The following PIK3C2G variants were observed in gnomAD, a reference collection of about 807,000 sequenced individuals.
PIK3C2G encodes phosphatidylinositol 3-kinase C2 domain-containing subunit gamma.
PIK3C2G carries 168 observed loss-of-function variants against 181.1 expected under a neutral mutation model. That is an observed-to-expected ratio of 0.93 (90% CI 0.82 to 1.05). The LOEUF is 1.05. PIK3C2G is among the 50% of genes least tolerant of loss of function. The pLI is 0.00. For synonymous variants in PIK3C2G, 573 were observed against 592.2 expected (o/e 0.97, Z 0.47); for missense variants, 1,869 against 1,732.8 (o/e 1.08, Z -1.40).
At chr12:18,577,739 G>A (rs1427434612) in intron 29 of PIK3C2G, among the ~76,000 whole-genome samples, 2 of 152,084 alleles carry the variant, frequency 1.3e-5, no homozygotes, top group Admixed American at 6.6e-5. Context: ...GGTAATTAAC[G>A]TAGTTGATTT....
At chr12:18,383,260 C>G (rs573763887) in intron 14 of PIK3C2G, among the ~76,000 whole-genome samples, 2 of 152,218 alleles carry the variant, frequency 1.3e-5, no homozygotes, top group African/African-American at 4.8e-5. Flanking sequence ...GGTAAACACT[C>G]TTACAAAAAT....
intron 4 of PIK3C2G, among the ~76,000 whole-genome samples, chr12:18,292,227 A>AAAAAAAAAAATATATAT: frequency 1.0e-4 from 5 of 48,722 alleles, no homozygotes; most frequent in Non-Finnish European, 1.3e-4. Context: ...AAAAAAAAAA[A>AAAAAAAAAAATATATAT]ATATATATAT....
intron 8 of PIK3C2G, among the ~76,000 whole-genome samples, chr12:18,334,691 A>G (rs771978933): frequency 1.1e-4 from 16 of 152,000 alleles, no homozygotes; most frequent in Non-Finnish European, 2.1e-4. Context: ...TATCACCTCT[A>G]TGAAAATGTT....
intron 13 of PIK3C2G, among the ~76,000 whole-genome samples, chr12:18,378,606 G>T (rs1231790109): frequency 6.6e-6 from 1 of 152,106 alleles, no homozygotes; most frequent in Admixed American, 6.5e-5. Flanking sequence ...GAAAATTTTT[G>T]CAATCTTCTC....
At chr12:18,559,819 TATAGAGAGAGAGAGAG>T (rs1281338628) in intron 26 of PIK3C2G, among the ~76,000 whole-genome samples, 4 of 19,928 alleles carry the variant, frequency 2.0e-4, no homozygotes, top group South Asian at 2.9e-3. Flanking sequence ...TATATATATA[TATAGAGAGAGAGAGAG>T]AGAGAGAGAG....
the PIK3C2G span, among the ~76,000 whole-genome samples, chr12:18,707,001 C>T: frequency 6.6e-6 from 1 of 152,290 alleles, no homozygotes; most frequent in Admixed American, 6.5e-5. Context: ...CATTCCTTGG[C>T]TTGTGGCCAC....
At chr12:18,537,086 A>G (rs1412901912) in intron 24 of PIK3C2G, among the ~76,000 whole-genome samples, 3 of 152,054 alleles carry the variant, frequency 2.0e-5, no homozygotes, top group Non-Finnish European at 2.9e-5. Flanking sequence ...ACCTGCCACA[A>G]ATTGACGAAG....
At chr12:18,724,890 A>T in the PIK3C2G span, among the ~76,000 whole-genome samples, 1 of 152,262 alleles carries the variant, frequency 6.6e-6, no homozygotes, top group South Asian at 2.1e-4. Flanking sequence ...AGCATAAAAT[A>T]AAATATACAT....
intron 8 of PIK3C2G, among the ~76,000 whole-genome samples, chr12:18,330,009 C>A (rs1028643840): frequency 6.6e-6 from 1 of 151,948 alleles, no homozygotes; most frequent in Non-Finnish European, 1.5e-5. Context: ...CAAACTTTTG[C>A]GGATATTTCC....
chr12:18,650,712 C>A (rs10082799), downstream of PIK3C2G, among the ~76,000 whole-genome samples: 1,320 of 14,110 alleles, frequency 0.094, 47 homozygotes, highest in Middle Eastern at 0.21. Flanking sequence ...GTGTATATAT[C>A]TATATATATA....
At chr12:18,276,828 A>T (rs1026689539) in intron 1 of PIK3C2G, among the ~76,000 whole-genome samples, 1 of 152,204 alleles carries the variant, frequency 6.6e-6, no homozygotes, top group African/African-American at 2.4e-5. Context: ...TGAATAAATA[A>T]ATGTATTTAT....
At position 18,294,005 on chromosome 12, in the gene PIK3C2G, TTTTTACAAAAGTAAGTA is replaced by T; in HGVS notation, c.1030_1034+12del. The T allele has an allele frequency of 6.6e-7, 1 of 1,507,342 alleles. No individual in the cohort carries two copies. The highest frequency in any genetic ancestry group is 9.2e-7 in the Non-Finnish European group (1 of 1,087,288). 93.4% of individuals were successfully genotyped at this position (1,507,342 alleles called of 1,614,324 possible). A position where few individuals can be genotyped will look rare whatever the true frequency, so the allele number is the denominator to read the frequency against. On this transcript the variant is annotated splice_donor_variant and splice_donor_5th_base_variant and coding_sequence_variant and intron_variant, in exon 5 of 33. Coordinates refer to ENST00000538779, the MANE Select transcript of PIK3C2G (RefSeq NM_001288772.2). LOFTEE classifies it high-confidence loss of function. Reference sequence around the variant, plus strand: ...TCTAAGTGTATGTGGCTCTGAAGAATTTTTACAAAAGTAAGTATTTTATGAAATTTTGGTTGTATTAT... The same window carrying T: ...TCTAAGTGTATGTGGCTCTGAAGAATTTTTATGAAATTTTGGTTGTATTAT...
Position 18,282,759 on chromosome 12 carries a change from G to T in PIK3C2G, c.678G>T (p.Glu226Asp). ...AAAGTACATGGCAGAAGAATATAGAGGTAAGTATAATACATGTCAATGTAA... is the reference window on the plus strand; with the variant it reads ...AAAGTACATGGCAGAAGAATATAGATGTAAGTATAATACATGTCAATGTAA... ...MWESTWQKNIESIGCSIQLVE... is the reference protein window; with the variant it reads ...MWESTWQKNIDSIGCSIQLVE... The change falls in exon 2 of 33, where the codon GAG becomes GAT. Residue 226 changes from glutamate (E) to aspartate (D), a missense_variant and splice_region_variant. Transcript: ENST00000538779. 1 of 1,569,098 alleles carries T rather than the reference G, an allele frequency of 6.4e-7. No homozygotes were observed. The highest frequency in any genetic ancestry group is 1.2e-5 in the South Asian group (1 of 85,964).
rs11285609 is a variant in PIK3C2G, at chr12:18,641,743, C to CTTTTTTTTTTTTTTTTTTTT, written c.4308+1190_4308+1209dup. Among the ~76,000 whole-genome samples, 9 of 93,178 alleles carry CTTTTTTTTTTTTTTTTTTTT rather than the reference C, an allele frequency of 9.7e-5. 1 individual carries two copies. Among genetic ancestry groups the CTTTTTTTTTTTTTTTTTTTT allele is most frequent in the African/African-American group, 2.5e-4 (5 of 20,346 alleles). 61.1% of individuals were successfully genotyped at this position (93,178 alleles called of 152,430 possible). A position where few individuals can be genotyped will look rare whatever the true frequency, so the allele number is the denominator to read the frequency against. Reference sequence around the variant, plus strand: ...AAAACCCTGGCTTCTCTCTCTCAAGCTTTTTTTTTTTTTTTTTTTTGAGAT... The same window carrying CTTTTTTTTTTTTTTTTTTTT: ...AAAACCCTGGCTTCTCTCTCTCAAGCTTTTTTTTTTTTTTTTTTTTTTTTTTTTTTTTTTTTTTTTGAGAT... On this transcript the variant is annotated intron_variant, in intron 32 of 32. Transcript: ENST00000538779.
At chr12:18,281,474 T>C (rs1949215709) in intron 1 of PIK3C2G, among the ~76,000 whole-genome samples, 1 of 152,020 alleles carries the variant, frequency 6.6e-6, no homozygotes, top group Admixed American at 6.6e-5. Context: ...AATTTAATGT[T>C]AGTAGTTTTA....
intron 29 of PIK3C2G, among the ~76,000 whole-genome samples, chr12:18,583,138 C>T (rs1046530492): frequency 1.2e-4 from 19 of 152,074 alleles, no homozygotes; most frequent in Non-Finnish European, 7.4e-5. Context: ...AATCTCCTGA[C>T]TGAGGTCTAC....
At chr12:18,525,384 AC>A (rs955909264) in intron 24 of PIK3C2G, among the ~76,000 whole-genome samples, 9 of 150,206 alleles carry the variant, frequency 6.0e-5, no homozygotes, top group Non-Finnish European at 1.2e-4. Context: ...CAAAAGCAAA[AC>A]CCCATCTCAA....
intron 18 of PIK3C2G, among the ~76,000 whole-genome samples, chr12:18,470,550 C>G (rs1938360646): frequency 6.6e-6 from 1 of 152,152 alleles, no homozygotes; most frequent in Non-Finnish European, 1.5e-5. Flanking sequence ...CTGAAAACTC[C>G]TGTGCTTTAG....
chr12:18,621,720 A>G (rs1948873498), intron 31 of PIK3C2G, among the ~76,000 whole-genome samples: 1 of 151,800 alleles, frequency 6.6e-6, no homozygotes, highest in Admixed American at 6.6e-5. Context: ...CACGGTGGTT[A>G]GATTTTTAAA....
Sources: gnomAD v4.1 joint callset for allele counts (sites outside exome capture counted in the v4.1 genomes callset) on GRCh38, gnomAD v4.1.1 for gene constraint, MANE v1.5 for transcripts, NCBI Gene and HGNC (gene_info 2026-07-23, HGNC 2026-07-21) for gene names.